Variants in DPP6 observed in about 807,000 individuals in gnomAD.
The protein encoded by DPP6 is dipeptidyl peptidase like 6.
A neutral mutation model predicts 122.6 loss-of-function variants in DPP6; 69 were observed. The observed-to-expected ratio is 0.56, with a 90% CI of 0.46 to 0.69. DPP6 has a LOEUF of 0.69. DPP6 is among the 30% of genes least tolerant of loss of function. DPP6 has a pLI of 0.00. For missense variants in DPP6, 928 were observed against 1,116.9 expected (o/e 0.83, Z 2.41); for synonymous variants, 418 against 433.1 (o/e 0.97, Z 0.43).
the DPP6 span, among the ~76,000 whole-genome samples, chr7:153,841,932 G>A: frequency 1.3e-5 from 2 of 152,234 alleles, no homozygotes; most frequent in South Asian, 4.1e-4. Context: ...GTCATTCTTC[G>A]TTTCTAACTA....
intron 4 of DPP6, among the ~76,000 whole-genome samples, chr7:154,542,535 A>T (rs1367918950): frequency 3.9e-5 from 6 of 152,178 alleles, no homozygotes; most frequent in Non-Finnish European, 8.8e-5. Flanking sequence ...GTGACAGATC[A>T]TATATTTTAA....
intron 8 of DPP6, among the ~76,000 whole-genome samples, chr7:154,751,896 C>G (rs1388211105): frequency 6.6e-6 from 1 of 152,096 alleles, no homozygotes; most frequent in Admixed American, 6.6e-5. Flanking sequence ...GAGCTGGAGA[C>G]AGGGCAAGTC....
At chr7:153,934,249 G>A (rs1469267233) in intron 1 of DPP6, among the ~76,000 whole-genome samples, 6 of 152,280 alleles carry the variant, frequency 3.9e-5, no homozygotes, top group Admixed American at 3.3e-4. Context: ...GCAGGTGAGC[G>A]AGCTGTGGCC....
chr7:154,235,329 A>G (rs1801142561), intron 1 of DPP6, among the ~76,000 whole-genome samples: 1 of 152,202 alleles, frequency 6.6e-6, no homozygotes, highest in South Asian at 2.1e-4. Context: ...AGGCTCATCC[A>G]GGTGGTAGCC....
intron 1 of DPP6, among the ~76,000 whole-genome samples, chr7:154,153,834 G>A (rs1226185235): frequency 6.6e-6 from 1 of 152,144 alleles, no homozygotes; most frequent in Non-Finnish European, 1.5e-5. Context: ...CAGGCCCCGG[G>A]GCCATAGTTT....
chr7:154,314,292 T>C (rs1483002881), intron 1 of DPP6, among the ~76,000 whole-genome samples: 2 of 152,208 alleles, frequency 1.3e-5, no homozygotes, highest in East Asian at 3.8e-4. Context: ...CGGAATGCTG[T>C]TCTTGGCATG....
At chr7:154,637,017 G>A (rs550754334) in intron 5 of DPP6, among the ~76,000 whole-genome samples, 5 of 152,296 alleles carry the variant, frequency 3.3e-5, no homozygotes, top group South Asian at 2.1e-4. Flanking sequence ...CACATATTCC[G>A]TATGTTCGAC....
chr7:154,278,662 A>G (rs959949393), intron 1 of DPP6, among the ~76,000 whole-genome samples: 6 of 152,226 alleles, frequency 3.9e-5, no homozygotes, highest in African/African-American at 1.4e-4. Flanking sequence ...ATGGAGTTTT[A>G]TGCTTGCTCT....
At chr7:153,854,981 C>A in the DPP6 span, among the ~76,000 whole-genome samples, 1 of 144,544 alleles carries the variant, frequency 6.9e-6, no homozygotes, top group Non-Finnish European at 1.5e-5. Flanking sequence ...AGTAAACTAT[C>A]ACAAGAACAA....
At chr7:154,327,626 C>G (rs1808563094) in intron 1 of DPP6, among the ~76,000 whole-genome samples, 1 of 152,120 alleles carries the variant, frequency 6.6e-6, no homozygotes, top group South Asian at 2.1e-4. Context: ...GTGAAATTTC[C>G]TTTCAAAGAC....
chr7:154,542,983 T>A (rs1828854440), intron 4 of DPP6, among the ~76,000 whole-genome samples: 1 of 152,242 alleles, frequency 6.6e-6, no homozygotes, highest in Admixed American at 6.5e-5. Context: ...GTGTATGCTC[T>A]GTGTGTTTTC....
At chr7:154,684,662 G>T (rs62475193) in intron 7 of DPP6, among the ~76,000 whole-genome samples, 22 of 152,082 alleles carry the variant, frequency 1.4e-4, no homozygotes, top group Admixed American at 2.6e-4. Flanking sequence ...CCATGACACC[G>T]TGTTCAAACC....
chr7:154,032,738 T>A (rs2129055474), intron 1 of DPP6, among the ~76,000 whole-genome samples: 1 of 152,232 alleles, frequency 6.6e-6, no homozygotes, highest in Middle Eastern at 3.4e-3. Flanking sequence ...GGAGTTCATT[T>A]TTTTTCTGTC....
rs184410844 is a variant in DPP6, at chr7:154,619,664, C to A, written c.628-18157C>A. 2.9e-4 allele frequency among the ~76,000 whole-genome samples: 44 copies of A among 152,270 alleles called. 3 individuals carry two copies. In the East Asian group the frequency reaches 3.7e-3, roughly 13 times the overall value. On this transcript the variant is annotated intron_variant, in intron 5 of 25. Coordinates refer to ENST00000377770, the MANE Select transcript of DPP6 (RefSeq NM_130797.4). The stretch of plus-strand genomic sequence containing the variant: ...ATTGACAGCAGAAAGCCCACAGCAC[C>A]AAGGTTAAGTACTTTGTTTTGTGTG...
intron 5 of DPP6, among the ~76,000 whole-genome samples, chr7:154,605,410 T>C (rs1027024223): frequency 8.3e-6 from 1 of 120,304 alleles, no homozygotes; most frequent in African/African-American, 2.6e-5. Flanking sequence ...ACTGTTTCAC[T>C]TCCTTTAATG....
chr7:154,715,339 G>A (rs922714152), intron 7 of DPP6, among the ~76,000 whole-genome samples: 1 of 152,178 alleles, frequency 6.6e-6, no homozygotes, highest in Non-Finnish European at 1.5e-5. Flanking sequence ...AAAGTGCTGG[G>A]ATTACAGGCA....
At chr7:153,956,722 C>A (rs372984029) in intron 1 of DPP6, among the ~76,000 whole-genome samples, 1 of 152,212 alleles carries the variant, frequency 6.6e-6, no homozygotes, top group Non-Finnish European at 1.5e-5. Flanking sequence ...GAAGCGGAAC[C>A]CAGTCCTGGC....
the DPP6 span, among the ~76,000 whole-genome samples, chr7:153,854,357 C>T: frequency 6.6e-6 from 1 of 152,114 alleles, no homozygotes; most frequent in East Asian, 1.9e-4. Context: ...GGGCTAATAT[C>T]CAGAATCTAC....
At chr7:154,058,493 C>G (rs952564899) in intron 1 of DPP6, 11 of 142,178 alleles carry the variant, frequency 7.7e-5, no homozygotes, top group Non-Finnish European at 1.4e-4. Context: ...GGGAGGCACC[C>G]TCCGCGAGGC....
Sources: gnomAD v4.1 joint callset for allele counts (sites outside exome capture counted in the v4.1 genomes callset) on GRCh38, gnomAD v4.1.1 for gene constraint, MANE v1.5 for transcripts, NCBI Gene and HGNC (gene_info 2026-07-23, HGNC 2026-07-21) for gene names.